Variants in CRAMP1 observed in about 807,000 individuals in gnomAD.
CRAMP1 encodes the protein protein cramped-like.
A neutral mutation model predicts 115.4 loss-of-function variants in CRAMP1; 50 were observed. That is an observed-to-expected ratio of 0.43 (90% confidence interval 0.35 to 0.55). The LOEUF (loss-of-function observed/expected upper bound fraction) is 0.55, where lower values mean the gene tolerates loss of function less well. Ranked by LOEUF, CRAMP1 falls within the 20% of genes least tolerant of loss-of-function variation. The pLI is 0.01. For missense variants in CRAMP1, 1,679 were observed against 1,721.7 expected, an observed-to-expected ratio of 0.98 and a Z score of 0.44; for synonymous variants, 866 against 745.4, an observed-to-expected ratio of 1.16 and a Z score of -2.64.
chr16:1,662,649 G>A lies in CRAMP1; in HGVS notation c.2573G>A (p.Arg858His), dbSNP rs778089266. 5.0e-6 allele frequency: 8 copies of A among 1,614,018 alleles called. No homozygotes were observed. Among genetic ancestry groups the A allele is most frequent in the East Asian group, 2.2e-5 (1 of 44,890 alleles). ...AGTAAAGAAGCAGAGCTGACTTTCC[G>A]CCAGCATCTGAACTCCATCAGTGTG... ...SPSKEAELTF[R>H]QHLNSISMQS... Residue 858 changes from arginine to histidine, a missense_variant, in exon 12 of 21, where the codon CGC (arginine) becomes CAC (histidine). By Grantham distance (29) the Arg-to-His change is conservative. Transcript: ENST00000397412.
chr16:1,656,671 G>A lies in CRAMP1; in HGVS notation c.1914G>A (p.Glu638=), dbSNP rs753735754. 161 of 1,569,770 alleles carry A rather than the reference G, an allele frequency of 1.0e-4. No individual in the cohort carries two copies. In the African/African-American group the frequency reaches 2.1e-3, roughly 20 times the overall value. Residue 638 remains glutamate (E), a synonymous_variant, in exon 10 of 21, where the codon GAG becomes GAA. Transcript: ENST00000397412. This position sits in a 1 kb window ranked among gnomAD's most constrained non-coding sequence, Gnocchi z 5.6. The stretch of plus-strand genomic sequence containing the variant: ...AAGACTTGGCAGATGCACCTGCGGA[G>A]GAGCTCCAGGAGAAGGGGAGCCCCG... ...CTKDLADAPA[E]ELQEKGSPAG...
chr16:1,638,235 C>T (rs974578006), intron 5 of CRAMP1, among the ~76,000 whole-genome samples: 3 of 152,222 alleles, frequency 2.0e-5, no homozygotes, highest in Non-Finnish European at 4.4e-5. Context: ...GAACATTTCT[C>T]CTATATAGCC....
At chr16:1,641,235 GT>G in intron 6 of CRAMP1, 48 bp downstream of exon 6, 1 of 1,365,744 alleles carries the variant, frequency 7.3e-7, no homozygotes, top group Non-Finnish European at 1.0e-6. Flanking sequence ...GGTGTTTTGT[GT>G]TTATTCTCTA....
intron 11 of CRAMP1, among the ~76,000 whole-genome samples, chr16:1,662,250 G>A (rs1210127743): frequency 6.6e-6 from 1 of 152,206 alleles, no homozygotes; most frequent in East Asian, 1.9e-4. Flanking sequence ...GCGAAGTGGT[G>A]AAGTGCTTTT....
chr16:1,623,789 G>A (rs539260154), intron 2 of CRAMP1, among the ~76,000 whole-genome samples: 4 of 152,308 alleles, frequency 2.6e-5, no homozygotes, highest in East Asian at 1.9e-4. Flanking sequence ...CATCATCTGC[G>A]GAAGCACCAG....
In CRAMP1 at chr16:1,645,920, A is replaced by G. The variant is rs142057961; in HGVS notation, c.827+4733A>G. Among the ~76,000 whole-genome samples the G allele has an allele frequency of 5.9e-5, 9 of 152,196 alleles. No individual in the cohort carries two copies. In the East Asian group the frequency reaches 1.7e-3, roughly 29 times the overall value. On this transcript the variant is annotated intron_variant, in intron 6 of 20. Transcript: ENST00000397412. The stretch of plus-strand genomic sequence containing the variant: ...TATGGAACGCTGCCAGCAACCCCCA[A>G]GTCCCCTTCTGTCCCTCCCCCACAC...
At chr16:1,620,642 A>G in intron 2 of CRAMP1, 1 of 457,218 alleles carries the variant, frequency 2.2e-6, no homozygotes. Flanking sequence ...GTCCAGACAG[A>G]CATCTTCCAA....
At chr16:1,631,935 G>A (rs1285541809) in intron 3 of CRAMP1, among the ~76,000 whole-genome samples, 2 of 152,192 alleles carry the variant, frequency 1.3e-5, no homozygotes, top group Non-Finnish European at 2.9e-5. Context: ...CAAGTGATGA[G>A]CTTTATGTTT....
chr16:1,624,934 G>A lies in CRAMP1; in HGVS notation c.347-1039G>A, dbSNP rs562560188. ...TGGAGATGGGATTTCATCATGTTGC[G>A]CATGCTGGTCTCGAACTTTTGGCCT... On this transcript the variant is annotated intron_variant, in intron 2 of 20. Coordinates refer to ENST00000397412, the MANE Select transcript of CRAMP1 (RefSeq NM_020825.4). Among the ~76,000 whole-genome samples, 7 of 151,948 alleles carry A rather than the reference G, an allele frequency of 4.6e-5. No individual in the cohort carries two copies. The East Asian group carries it at 9.7e-4, about 21-fold the overall frequency.
chr16:1,655,623 A>T (rs898577316), intron 9 of CRAMP1, among the ~76,000 whole-genome samples: 3 of 152,172 alleles, frequency 2.0e-5, no homozygotes, highest in African/African-American at 7.2e-5. Context: ...AGCCTTCTTC[A>T]CATCCATGGC....
At chr16:1,642,282 C>A (rs2036639125) in intron 6 of CRAMP1, among the ~76,000 whole-genome samples, 1 of 152,224 alleles carries the variant, frequency 6.6e-6, no homozygotes, top group Non-Finnish European at 1.5e-5. Flanking sequence ...ACCTGGGAAC[C>A]CTCCCTGCCC....
chr16:1,667,460 C>A, intron 17 of CRAMP1, 60 bp downstream of exon 17: 1 of 1,353,508 alleles, frequency 7.4e-7, no homozygotes. Context: ...CTCCAGTGCC[C>A]TGAGCTGCCA....
At chr16:1,622,640 G>T (rs892178295) in intron 2 of CRAMP1, among the ~76,000 whole-genome samples, 3 of 152,176 alleles carry the variant, frequency 2.0e-5, no homozygotes, top group Non-Finnish European at 4.4e-5. Context: ...TAGAGACAAG[G>T]TCTCCCTGTG....
chr16:1,618,651 G>T (rs538158799), intron 2 of CRAMP1, among the ~76,000 whole-genome samples: 2 of 152,164 alleles, frequency 1.3e-5, no homozygotes, highest in Admixed American at 6.5e-5. Flanking sequence ...ATCGGTAAAC[G>T]ACTGTGCACA....
rs2036842950 is a variant in CRAMP1, at chr16:1,662,653, G to A, written c.2577G>A (p.Gln859=). The A allele has an allele frequency of 6.2e-7, 1 of 1,614,062 alleles. No homozygotes were observed. The highest frequency in any genetic ancestry group is 2.2e-5 in the East Asian group (1 of 44,882). The change falls in exon 12 of 21, where the codon CAG becomes CAA. Residue 859 remains glutamine, a synonymous_variant. Coordinates refer to ENST00000397412, the MANE Select transcript of CRAMP1 (RefSeq NM_020825.4). ...PSKEAELTFR[Q]HLNSISMQSD... The stretch of plus-strand genomic sequence containing the variant: ...AAGAAGCAGAGCTGACTTTCCGCCA[G>A]CATCTGAACTCCATCAGTGTGAGTG...
At chr16:1,642,435 A>G (rs2036640097) in intron 6 of CRAMP1, among the ~76,000 whole-genome samples, 1 of 152,238 alleles carries the variant, frequency 6.6e-6, no homozygotes, top group Non-Finnish European at 1.5e-5. Flanking sequence ...CAGCCACCAG[A>G]AAGTGCAGCC....
chr16:1,655,205 T>G lies in CRAMP1; in HGVS notation c.1038-14T>G. The G allele has an allele frequency of 6.2e-7, 1 of 1,610,812 alleles. No homozygotes were observed. The highest frequency in any genetic ancestry group is 8.5e-7 in the Non-Finnish European group (1 of 1,176,964). ...TCTGCGAACCTCACTTCCTCCTGTCTGTCGTCTCCGTAGGATGATCGTGGA... is the reference window on the plus strand; with the variant it reads ...TCTGCGAACCTCACTTCCTCCTGTCGGTCGTCTCCGTAGGATGATCGTGGA... On this transcript the variant is annotated splice_polypyrimidine_tract_variant and intron_variant, in intron 8 of 20. Coordinates refer to ENST00000397412, the MANE Select transcript of CRAMP1 (RefSeq NM_020825.4).
intron 20 of CRAMP1, 25 bp from the exon 21 acceptor site, chr16:1,673,856 T>G (rs1317439706): frequency 1.2e-6 from 2 of 1,612,698 alleles, no homozygotes; most frequent in African/African-American, 2.7e-5. Context: ...CGGTGACTTG[T>G]TCTTCCTGTC....
In CRAMP1 at chr16:1,668,039, A is replaced by G; in HGVS notation, c.3180A>G (p.Ser1060=). 3 of 1,613,834 alleles carry G rather than the reference A, an allele frequency of 1.9e-6. No individual in the cohort carries two copies. The highest frequency in any genetic ancestry group is 1.3e-5 in the African/African-American group (1 of 75,010). ...GCCTCTCCATACCGCTGTCCTCGTC[A>G]GAGAGCTCCAGCACCCGGCTGTCTC... The part of the protein sequence containing the change: ...QNGLSIPLSS[S]ESSSTRLSPP... Residue 1060 remains serine (S), a synonymous_variant, in exon 18 of 21, where the codon TCA becomes TCG. Coordinates refer to ENST00000397412, the MANE Select transcript of CRAMP1 (RefSeq NM_020825.4).
Sources: allele counts gnomAD v4.1 joint callset (sites outside exome capture counted in the v4.1 genomes callset), GRCh38; gene constraint gnomAD v4.1.1; non-coding constraint Gnocchi (gnomAD v3.1); transcripts MANE v1.5; gene names NCBI Gene and HGNC (gene_info 2026-07-23, HGNC 2026-07-21).